The following FAM227B variants were observed in gnomAD, a reference collection of about 807,000 sequenced individuals.
FAM227B encodes the protein protein FAM227B.
A neutral mutation model predicts 73.8 loss-of-function variants in FAM227B; 88 were observed. The ratio of observed to expected loss-of-function variants is 1.19; its 90% CI spans 1.00 to 1.42. The LOEUF (loss-of-function observed/expected upper bound fraction) is 1.42, where lower values mean the gene tolerates loss of function less well. Among genes scored for constraint, FAM227B ranks in the 40% most tolerant of loss-of-function variants. The pLI is 0.00. For missense variants in FAM227B, 632 were observed against 590.9 expected, an observed-to-expected ratio of 1.07 and a Z score of -0.72; for synonymous variants, 210 against 190.5, an observed-to-expected ratio of 1.10 and a Z score of -0.84.
At chr15:49,385,808 GT>G (rs1024943969) in intron 11 of FAM227B, among the ~76,000 whole-genome samples, 14 of 151,896 alleles carry the variant, frequency 9.2e-5, no homozygotes, top group African/African-American at 3.4e-4. Flanking sequence ...GTGTAAAAAG[GT>G]ATTCCATGCA....
intron 11 of FAM227B, among the ~76,000 whole-genome samples, chr15:49,407,259 C>T (rs2048575941): frequency 6.6e-6 from 1 of 152,222 alleles, no homozygotes; most frequent in South Asian, 2.1e-4. Flanking sequence ...GAGTCTCCTC[C>T]TGCACTAAGG....
chr15:49,356,196 A>C lies in FAM227B; in HGVS notation c.1271+11252T>G, dbSNP rs898428164. 5.7e-3 allele frequency among the ~76,000 whole-genome samples: 861 copies of C among 152,306 alleles called. 6 individuals carry two copies. Among genetic ancestry groups the C allele is most frequent in the African/African-American group, 0.02 (817 of 41,552 alleles). The stretch of plus-strand genomic sequence containing the variant: ...AACTGCATCAACTAACGAGCAAAAT[A>C]ACCAGCTAACATCATAATGACAGGA... On this transcript the variant is annotated intron_variant, in intron 13 of 15. Transcript: ENST00000299338.
chr15:49,422,170 G>A (rs1348794470), intron 11 of FAM227B, among the ~76,000 whole-genome samples: 3 of 145,200 alleles, frequency 2.1e-5, no homozygotes, highest in South Asian at 2.8e-4. Context: ...GTGTGCGCGC[G>A]CGCGCGCGTG....
chr15:49,522,196 G>A (rs2059840741), intron 10 of FAM227B, among the ~76,000 whole-genome samples: 1 of 152,116 alleles, frequency 6.6e-6, no homozygotes, highest in Admixed American at 6.6e-5. Flanking sequence ...CCGTAACAGT[G>A]TCTTAGCCCC....
chr15:49,525,673 T>C (rs1229416948), intron 10 of FAM227B, among the ~76,000 whole-genome samples: 497 of 11,120 alleles, frequency 0.045, 12 homozygotes, highest in Non-Finnish European at 0.087. Context: ...GAAATATATA[T>C]ATATATATAT....
intron 5 of FAM227B, among the ~76,000 whole-genome samples, chr15:49,587,595 CTAAG>C (rs766497145): frequency 3.3e-5 from 5 of 151,984 alleles, no homozygotes; most frequent in Non-Finnish European, 5.9e-5. Context: ...TTTAAAAAGA[CTAAG>C]TATCTGAAAG....
chr15:49,342,681 C>T (rs945175626), intron 13 of FAM227B, among the ~76,000 whole-genome samples: 3 of 152,072 alleles, frequency 2.0e-5, no homozygotes, highest in African/African-American at 4.8e-5. Flanking sequence ...CTTTGTCTTC[C>T]CTTTTAGAAC....
chr15:49,446,210 G>C (rs1163716366), intron 11 of FAM227B, among the ~76,000 whole-genome samples: 1 of 151,466 alleles, frequency 6.6e-6, no homozygotes, highest in Non-Finnish European at 1.5e-5. Flanking sequence ...TTCTTTTTAA[G>C]TTAAGAGCCA....
chr15:49,333,118 T>C (rs2039089868), intron 14 of FAM227B, among the ~76,000 whole-genome samples: 1 of 152,172 alleles, frequency 6.6e-6, no homozygotes, highest in African/African-American at 2.4e-5. Flanking sequence ...TCCAAGTCAC[T>C]CTTTTAGTTT....
At position 49,420,768 on chromosome 15, in the gene FAM227B, C is replaced by T. The variant is rs537756527; in HGVS notation, c.1013-49369G>A. The stretch of plus-strand genomic sequence containing the variant: ...TCACCTAGGCTGGAGTGCAGTTGTG[C>T]GATCTCTGCTCACTGCAAGCTCTGC... On this transcript the variant is annotated intron_variant, in intron 11 of 15. Transcript: ENST00000299338. 9.0e-4 allele frequency among the ~76,000 whole-genome samples: 137 copies of T among 152,256 alleles called. 5 individuals are homozygous for T. The South Asian group carries it at 0.027, about 30-fold the overall frequency.
Position 49,328,649 on chromosome 15 carries a change from TTCTC to T in FAM227B, c.1442_1445del (p.Arg481AsnfsTer33), listed in dbSNP as rs762888521. 19 of 1,572,852 alleles carry T rather than the reference TTCTC, an allele frequency of 1.2e-5. No individual in the cohort carries two copies. Among genetic ancestry groups the T allele is most frequent in the East Asian group, 9.2e-5 (4 of 43,708 alleles). On this transcript the variant is annotated frameshift_variant, in exon 16 of 16. Coordinates refer to ENST00000299338, the MANE Select transcript of FAM227B (RefSeq NM_152647.3). LOFTEE classifies it low-confidence loss of function (END_TRUNC). ...ATGATGACGATAGTGATGCCACACA[TTCTC>T]TCTCAATTTCAGCTTCGGAACGCTA...
intron 4 of FAM227B, among the ~76,000 whole-genome samples, chr15:49,589,541 TTACACACA>T (rs2076395416): frequency 1.2e-5 from 1 of 86,188 alleles, no homozygotes; most frequent in African/African-American, 4.1e-5. Flanking sequence ...CTTTATGAGA[TTACACACA>T]CACACACACA....
chr15:49,589,646 C>G, intron 4 of FAM227B, 130 bp downstream of exon 4: 1 of 640,588 alleles, frequency 1.6e-6, no homozygotes, highest in South Asian at 1.9e-5. Context: ...GGTGCACTGG[C>G]TTATGCCTGT....
At chr15:49,529,310 G>A (rs982076534) in intron 10 of FAM227B, among the ~76,000 whole-genome samples, 2 of 151,454 alleles carry the variant, frequency 1.3e-5, no homozygotes, top group Admixed American at 1.3e-4. Context: ...AGACACTGAG[G>A]ACTCCAAAAG....
chr15:49,383,855 A>T (rs1260905008), intron 11 of FAM227B, among the ~76,000 whole-genome samples: 1 of 151,582 alleles, frequency 6.6e-6, no homozygotes, highest in Non-Finnish European at 1.5e-5. Flanking sequence ...GTTGAGACTC[A>T]TAATCTCACG....
chr15:49,532,031 T>C (rs1217949501), intron 10 of FAM227B, among the ~76,000 whole-genome samples: 2 of 149,408 alleles, frequency 1.3e-5, no homozygotes, highest in Non-Finnish European at 3.0e-5. Flanking sequence ...TACGTAATAT[T>C]ATATAGCTAT....
intron 13 of FAM227B, among the ~76,000 whole-genome samples, chr15:49,358,184 G>A (rs2043515053): frequency 6.6e-6 from 1 of 151,546 alleles, no homozygotes; most frequent in Non-Finnish European, 1.5e-5. Context: ...GCACAAGACA[G>A]GGATGCCCTC....
At position 49,334,211 on chromosome 15, in the gene FAM227B, G is replaced by A. The variant is rs1047401732; in HGVS notation, c.1349+1208C>T. Reference sequence around the variant, plus strand: ...TTAAGCACTACCAAGCTGAATAAGAGACAAACCTATCAAGCTCCTTGTCAA... The same window carrying A: ...TTAAGCACTACCAAGCTGAATAAGAAACAAACCTATCAAGCTCCTTGTCAA... On this transcript the variant is annotated intron_variant, in intron 14 of 15. Transcript: ENST00000299338. 3 of 977,204 alleles carry A rather than the reference G, an allele frequency of 3.1e-6. No homozygotes were observed. The African/African-American group carries it at 5.3e-5, about 17-fold the overall frequency. The allele number at this position is 977,204 out of a possible 1,614,324, so 60.5% of individuals were successfully genotyped here. A position where few individuals can be genotyped will look rare whatever the true frequency, so the allele number is the denominator to read the frequency against.
intron 11 of FAM227B, among the ~76,000 whole-genome samples, chr15:49,439,889 T>C (rs750188812): frequency 2.6e-5 from 4 of 151,712 alleles, no homozygotes; most frequent in South Asian, 2.1e-4. Flanking sequence ...CATGAGATCA[T>C]AGAGTCCAGA....
Sources: allele counts gnomAD v4.1 joint callset (sites outside exome capture counted in the v4.1 genomes callset), GRCh38; gene constraint gnomAD v4.1.1; transcripts MANE v1.5; gene names NCBI Gene and HGNC (gene_info 2026-07-23, HGNC 2026-07-21).